Variants in GBE1 observed in about 807,000 individuals in gnomAD.
The protein encoded by GBE1 is 1,4-alpha-glucan branching enzyme 1.
Under a neutral mutation model 88.8 loss-of-function variants are expected in GBE1, and 70 were observed. The observed-to-expected ratio is 0.79, with a 90% CI of 0.65 to 0.96. The LOEUF is 0.96. Among genes scored for constraint, GBE1 ranks in the 40% least tolerant of loss-of-function variants. GBE1 has a pLI of 0.00. For synonymous variants in GBE1, 284 were observed against 300.1 expected (o/e 0.95, Z 0.56); for missense variants, 872 against 871.0 (o/e 1.00, Z -0.01).
chr3:81,636,176 T>C (rs1704589290), intron 7 of GBE1, among the ~76,000 whole-genome samples: 1 of 152,208 alleles, frequency 6.6e-6, no homozygotes, highest in Non-Finnish European at 1.5e-5. Flanking sequence ...ATAGCAACTT[T>C]CTTAATCTCT....
intron 14 of GBE1, among the ~76,000 whole-genome samples, chr3:81,527,355 C>A (rs1156377714): frequency 1.0e-3 from 153 of 152,048 alleles, no homozygotes; most frequent in African/African-American, 3.4e-3. Flanking sequence ...GCAACAAAAG[C>A]CAAAATTGAC....
chr3:81,566,687 A>G (rs973528859), intron 12 of GBE1, among the ~76,000 whole-genome samples: 2 of 152,162 alleles, frequency 1.3e-5, no homozygotes, highest in African/African-American at 4.8e-5. Flanking sequence ...CTCAAATGAT[A>G]ATCTCACTGA....
rs1171989435 is a variant in GBE1, at chr3:81,591,047, G to A, written c.1226C>T (p.Thr409Ile). The A allele has an allele frequency of 6.2e-7, 1 of 1,609,138 alleles. No individual in the cohort carries two copies. Among genetic ancestry groups the A allele is most frequent in the South Asian group, 1.1e-5 (1 of 90,086 alleles). ...TCACTATGGCTTTACCTCAGCTATT[G>A]TTATAGAATCGGGACACAGCGTGTG... is the stretch of plus-strand genomic sequence containing the variant. ...LVHTLCPDSI[T>I]IAEDVSGMPA... Residue 409 changes from threonine (T) to isoleucine (I), a missense_variant, in exon 9 of 16, where the codon ACA (threonine) becomes ATA (isoleucine). Thr to Ile is a moderately conservative substitution (Grantham distance 89). Transcript: ENST00000429644.
chr3:81,727,523 C>T (rs558901502), intron 1 of GBE1, among the ~76,000 whole-genome samples: 24 of 152,278 alleles, frequency 1.6e-4, no homozygotes, highest in Middle Eastern at 6.8e-3. Context: ...TACATGCATA[C>T]ATTGCACAGT....
intron 3 of GBE1, among the ~76,000 whole-genome samples, chr3:81,655,162 T>A (rs1704915404): frequency 6.6e-6 from 1 of 152,206 alleles, no homozygotes; most frequent in African/African-American, 2.4e-5. Context: ...TATATGTGTA[T>A]TTCCAATAAG....
chr3:81,644,026 C>A (rs1362203274), intron 6 of GBE1, among the ~76,000 whole-genome samples: 1 of 152,010 alleles, frequency 6.6e-6, no homozygotes, highest in Admixed American at 6.6e-5. Flanking sequence ...TGAACATGTT[C>A]AATAATAAAC....
chr3:81,658,738 A>C (rs779332716), intron 3 of GBE1, among the ~76,000 whole-genome samples: 5 of 152,196 alleles, frequency 3.3e-5, no homozygotes, highest in Non-Finnish European at 7.4e-5. Flanking sequence ...TGTTTGCTTC[A>C]TTTCAAGTAC....
intron 3 of GBE1, among the ~76,000 whole-genome samples, chr3:81,651,760 A>G (rs1288619426): frequency 6.6e-6 from 1 of 152,188 alleles, no homozygotes; most frequent in Non-Finnish European, 1.5e-5. Flanking sequence ...AAACGGCTCT[A>G]TAATACCTCC....
chr3:81,612,637 AC>A (rs1394784463), intron 7 of GBE1: 1 of 581,802 alleles, frequency 1.7e-6, no homozygotes, highest in Non-Finnish European at 3.3e-6. Flanking sequence ...GGAGTTTGTT[AC>A]ATTTCTATTC....
chr3:81,563,599 C>T (rs1266126337), intron 12 of GBE1, among the ~76,000 whole-genome samples: 1 of 152,012 alleles, frequency 6.6e-6, no homozygotes, highest in East Asian at 1.9e-4. Flanking sequence ...TTCCCCTGCA[C>T]CAGCCCTTAA....
intron 14 of GBE1, among the ~76,000 whole-genome samples, chr3:81,520,196 C>T (rs1214035782): frequency 1.3e-5 from 2 of 151,502 alleles, no homozygotes; most frequent in African/African-American, 4.8e-5. Context: ...TTGTGCTTTG[C>T]AGATACTGTG....
chr3:81,646,608 G>A, intron 5 of GBE1, 126 bp from the exon 6 acceptor site: 1 of 606,444 alleles, frequency 1.6e-6, no homozygotes, highest in Non-Finnish European at 2.9e-6. Context: ...TGGTCGTCTT[G>A]AAAAGTTCTA....
intron 12 of GBE1, among the ~76,000 whole-genome samples, chr3:81,562,959 T>C (rs1176446970): frequency 6.6e-6 from 1 of 151,956 alleles, no homozygotes; most frequent in East Asian, 1.9e-4. Flanking sequence ...GAAATTCATC[T>C]TTTAAACTCC....
intron 2 of GBE1, among the ~76,000 whole-genome samples, chr3:81,677,063 C>T (rs530777699): frequency 2.0e-4 from 30 of 152,186 alleles, no homozygotes; most frequent in Non-Finnish European, 8.8e-5. Flanking sequence ...CATTCCCAAA[C>T]TCTTTGATTC....
At chr3:81,561,330 T>TA (rs1703413815) in intron 12 of GBE1, among the ~76,000 whole-genome samples, 1 of 152,090 alleles carries the variant, frequency 6.6e-6, no homozygotes, top group Admixed American at 6.6e-5. Flanking sequence ...TTTGATTACC[T>TA]AAAATATGAA....
chr3:81,503,472 C>T (rs902114546), intron 14 of GBE1, among the ~76,000 whole-genome samples: 71 of 152,078 alleles, frequency 4.7e-4, no homozygotes, highest in African/African-American at 1.2e-3. Context: ...ATAAAACAGA[C>T]GGCGGAAAGA....
chr3:81,617,697 T>A (rs981376578), intron 7 of GBE1, among the ~76,000 whole-genome samples: 2 of 151,972 alleles, frequency 1.3e-5, no homozygotes, highest in Admixed American at 1.3e-4. Flanking sequence ...ACTATCTTTA[T>A]CTGGTTCTAA....
At chr3:81,599,676 C>G (rs1704006757) in intron 7 of GBE1, among the ~76,000 whole-genome samples, 3 of 152,124 alleles carry the variant, frequency 2.0e-5, no homozygotes, top group Admixed American at 1.3e-4. Context: ...GTTAAAATGT[C>G]ATGTGGTACA....
intron 1 of GBE1, among the ~76,000 whole-genome samples, chr3:81,715,516 A>G (rs1705927162): frequency 6.6e-6 from 1 of 152,174 alleles, no homozygotes; most frequent in African/African-American, 2.4e-5. Context: ...AATCTTTATC[A>G]ATGCCTAGGT....
Sources: gnomAD v4.1 joint callset for allele counts (sites outside exome capture counted in the v4.1 genomes callset) on GRCh38, gnomAD v4.1.1 for gene constraint, MANE v1.5 for transcripts, NCBI Gene and HGNC (gene_info 2026-07-23, HGNC 2026-07-21) for gene names.